ZNF75A: variants seen among roughly 807,000 people sequenced by gnomAD.
The protein encoded by ZNF75A is zinc finger protein 75A.
ZNF75A carries 36 observed loss-of-function variants against 46.3 expected under a neutral mutation model. That is an observed-to-expected ratio of 0.78 (90% CI 0.60 to 1.03). The LOEUF (loss-of-function observed/expected upper bound fraction) is 1.03, where lower values mean the gene tolerates loss of function less well. Among genes scored for constraint, ZNF75A ranks in the 50% least tolerant of loss-of-function variants. ZNF75A has a pLI of 0.00. For missense variants in ZNF75A, 595 were observed against 551.3 expected, an observed-to-expected ratio of 1.08 and a Z score of -0.79; for synonymous variants, 234 against 189.9, an observed-to-expected ratio of 1.23 and a Z score of -1.91.
chr16:3,308,680 A>G lies in ZNF75A; in HGVS notation c.252A>G (p.Lys84=), dbSNP rs1470650713. 3.0e-5 allele frequency: 30 copies of G among 991,786 alleles called. 1 individual carries two copies. The highest frequency in any genetic ancestry group is 3.6e-5 in the Non-Finnish European group (30 of 832,656). 61.4% of individuals were successfully genotyped at this position (991,786 alleles called of 1,614,324 possible). ...GGCTGAAGCCAGAGATCCACTCAAA[A>G]GAGCAGATACTGGAACTGCTGGTGC... ...HLWLKPEIHS[K]EQILELLVLE... Residue 84 remains lysine (K), a synonymous_variant, in exon 2 of 7, where the codon AAA becomes AAG. Transcript: ENST00000669516.
intron 5 of ZNF75A, chr16:3,314,641 G>A (rs552973642): frequency 1.3e-5 from 13 of 984,016 alleles, no homozygotes; most frequent in Admixed American, 6.2e-5. Flanking sequence ...TTCTTAAATC[G>A]TATTCTGTTA....
At chr16:3,319,346 C>T (rs188041209), downstream of ZNF75A, among the ~76,000 whole-genome samples, 545 of 152,260 alleles carry the variant, frequency 3.6e-3, 3 homozygotes, top group Non-Finnish European at 4.9e-3. Context: ...AACTCCTGAC[C>T]TCAAGTGATC....
chr16:3,318,146 A>C lies in ZNF75A; in HGVS notation c.*277A>C. The C allele has an allele frequency of 8.6e-7, 1 of 1,169,398 alleles. No individual in the cohort carries two copies. Among genetic ancestry groups the C allele is most frequent in the Non-Finnish European group, 1.1e-6 (1 of 947,634 alleles). The allele number at this position is 1,169,398 out of a possible 1,614,324, so 72.4% of individuals were successfully genotyped here. Reference sequence around the variant, plus strand: ...TGGCAGCATGGTCTTCCAAAACAAAAAGCAGTAACATGCATGTTTAATTGC... The same window carrying C: ...TGGCAGCATGGTCTTCCAAAACAAACAGCAGTAACATGCATGTTTAATTGC... On this transcript the variant is annotated 3_prime_UTR_variant, in exon 7 of 7. Coordinates refer to ENST00000669516, the MANE Select transcript of ZNF75A (RefSeq NM_001302109.2).
Position 3,312,764 on chromosome 16 carries a change from C to T in ZNF75A, c.692C>T (p.Ser231Phe). The part of the protein sequence containing the change: ...TVTPEHVLPE[S>F]QSLLTFEEVA... ...ACACCTGAGCACGTCTTGCCTGAGT[C>T]CCAGGTGAGCTGTGCTTTCCAGCTG... Residue 231 changes from serine (S) to phenylalanine (F), a missense_variant, in exon 4 of 7, where the codon TCC becomes TTC. Transcript: ENST00000669516. 9.1e-7 allele frequency: 1 copy of T among 1,096,958 alleles called. No homozygotes were observed. The highest frequency in any genetic ancestry group is 3.5e-5 in the South Asian group (1 of 28,940). The allele number at this position is 1,096,958 out of a possible 1,614,324, so 68.0% of individuals were successfully genotyped here.
Position 3,308,378 on chromosome 16 carries a change from C to T in ZNF75A, c.-51C>T, listed in dbSNP as rs962302777. The T allele has an allele frequency of 2.0e-6, 2 of 975,804 alleles. No individual in the cohort carries two copies. The highest frequency in any genetic ancestry group is 3.5e-5 in the African/African-American group (2 of 56,978). 60.4% of individuals were successfully genotyped at this position (975,804 alleles called of 1,614,324 possible). A position where few individuals can be genotyped will look rare whatever the true frequency, so the allele number is the denominator to read the frequency against. Reference sequence around the variant, plus strand: ...ACCAGACAGGATCTCATTTGTTAAACGTGGTACCAATTGGGTGTCTTAACA... The same window carrying T: ...ACCAGACAGGATCTCATTTGTTAAATGTGGTACCAATTGGGTGTCTTAACA... On this transcript the variant is annotated 5_prime_UTR_variant, in exon 2 of 7. The change creates a new upstream start codon in the 5' untranslated region. Transcript: ENST00000669516.
downstream of ZNF75A, chr16:3,323,257 A>C: frequency 1.3e-6 from 1 of 794,390 alleles, no homozygotes; most frequent in Non-Finnish European, 2.2e-6. Context: ...TCCTTGAGGA[A>C]GCCCACTGTA....
At chr16:3,320,993 C>T (rs2029919136), downstream of ZNF75A, among the ~76,000 whole-genome samples, 1 of 152,100 alleles carries the variant, frequency 6.6e-6, no homozygotes, top group South Asian at 2.1e-4. Flanking sequence ...TTAGCCAGTA[C>T]CCAGCTGCTG....
At chr16:3,311,267 GTC>G (rs1960763990) in intron 2 of ZNF75A, among the ~76,000 whole-genome samples, 1 of 151,864 alleles carries the variant, frequency 6.6e-6, no homozygotes, top group African/African-American at 2.4e-5. Flanking sequence ...AAGAAACCCC[GTC>G]TCTACTAAAA....
At chr16:3,323,343 G>A (rs538860302), downstream of ZNF75A, 31 of 1,107,702 alleles carry the variant, frequency 2.8e-5, no homozygotes, top group African/African-American at 3.9e-4. Context: ...ATGCTTCACT[G>A]GGAGGCAATT....
chr16:3,319,195 C>G (rs1026458931), downstream of ZNF75A, among the ~76,000 whole-genome samples: 1 of 152,112 alleles, frequency 6.6e-6, no homozygotes, highest in African/African-American at 2.4e-5. Flanking sequence ...CTCATTGCAT[C>G]CTCCACCTCC....
At position 3,312,716 on chromosome 16, in the gene ZNF75A, C is replaced by G; in HGVS notation, c.644C>G (p.Thr215Arg). 1 of 1,021,656 alleles carries G rather than the reference C, an allele frequency of 9.8e-7. No homozygotes were observed. The highest frequency in any genetic ancestry group is 1.2e-6 in the Non-Finnish European group (1 of 852,542). 63.3% of individuals were successfully genotyped at this position (1,021,656 alleles called of 1,614,324 possible). A position where few individuals can be genotyped will look rare whatever the true frequency, so the allele number is the denominator to read the frequency against. Residue 215 changes from threonine (T) to arginine (R), a missense_variant, in exon 4 of 7, where the codon ACA becomes AGA. By Grantham distance (71) the Thr-to-Arg change is moderately conservative (BLOSUM62 -1). Coordinates refer to ENST00000669516, the MANE Select transcript of ZNF75A (RefSeq NM_001302109.2). ...CAGATTCTAGCTTTTCCTGAGCAAA[C>G]AAACACCAAAGACTGGACAGTGACA... is the stretch of plus-strand genomic sequence containing the variant. ...TQQILAFPEQ[T>R]NTKDWTVTPE... is the part of the protein sequence containing the mutation.
At chr16:3,321,106 CAG>C (rs2029923144), downstream of ZNF75A, among the ~76,000 whole-genome samples, 1 of 152,152 alleles carries the variant, frequency 6.6e-6, no homozygotes, top group African/African-American at 2.4e-5. Context: ...AAAATGATAT[CAG>C]ATGATATGAG....
chr16:3,309,873 G>A (rs191556659), intron 2 of ZNF75A, among the ~76,000 whole-genome samples: 82 of 151,606 alleles, frequency 5.4e-4, no homozygotes, highest in South Asian at 3.6e-3. Context: ...TTAGGGGGTC[G>A]CGGTGGGAGG....
In ZNF75A at chr16:3,311,957, C is replaced by T; in HGVS notation, c.604+9C>T. 7 of 985,150 alleles carry T rather than the reference C, an allele frequency of 7.1e-6. No individual in the cohort carries two copies. The highest frequency in any genetic ancestry group is 8.4e-6 in the Non-Finnish European group (7 of 829,186). The allele number at this position is 985,150 out of a possible 1,614,324, so 61.0% of individuals were successfully genotyped here. A position where few individuals can be genotyped will look rare whatever the true frequency, so the allele number is the denominator to read the frequency against. On this transcript the variant is annotated intron_variant, in intron 3 of 6. Coordinates refer to ENST00000669516, the MANE Select transcript of ZNF75A (RefSeq NM_001302109.2). The stretch of plus-strand genomic sequence containing the variant: ...GCCTGTGTATGAGAGGGGTAAGGAG[C>T]TTCATGATAATTTTCTTCTCCTGGG...
At chr16:3,320,246 T>A (rs1412778310), downstream of ZNF75A, among the ~76,000 whole-genome samples, 2 of 152,062 alleles carry the variant, frequency 1.3e-5, no homozygotes, top group Admixed American at 6.6e-5. Context: ...GGGTTTCACC[T>A]TGTTAGCCAG....
chr16:3,323,175 G>A (rs2030008599), downstream of ZNF75A: 1 of 621,144 alleles, frequency 1.6e-6, no homozygotes, highest in Non-Finnish European at 2.8e-6. Context: ...ACTGCAGTTT[G>A]GCACCTGGGT....
downstream of ZNF75A, among the ~76,000 whole-genome samples, chr16:3,320,204 C>T (rs538490311): frequency 6.6e-6 from 1 of 152,280 alleles, no homozygotes; most frequent in East Asian, 1.9e-4. Context: ...CGCCACCACG[C>T]CTGGCTAATT....
At position 3,310,949 on chromosome 16, in the gene ZNF75A, A is replaced by G. The variant is rs902218978; in HGVS notation, c.409-804A>G. 42 of 985,354 alleles carry G rather than the reference A, an allele frequency of 4.3e-5. No individual in the cohort carries two copies. In the African/African-American group the frequency reaches 6.8e-4, roughly 16 times the overall value. 61.0% of individuals were successfully genotyped at this position (985,354 alleles called of 1,614,324 possible). ...TTTGGTGTCAGAATCATCTGGAGGT[A>G]GGTTGGAGCCACTCCCCTTTTTTCT... On this transcript the variant is annotated intron_variant, in intron 2 of 6. Coordinates refer to ENST00000669516, the MANE Select transcript of ZNF75A (RefSeq NM_001302109.2).
At chr16:3,312,908 T>G in intron 4 of ZNF75A, 140 bp downstream of exon 4, 1 of 1,277,744 alleles carries the variant, frequency 7.8e-7, no homozygotes, top group Non-Finnish European at 1.0e-6. Flanking sequence ...GGCTGACGCC[T>G]TTTCTCCTTT....
Sources: allele counts gnomAD v4.1 joint callset (sites outside exome capture counted in the v4.1 genomes callset), GRCh38; gene constraint gnomAD v4.1.1; transcripts MANE v1.5; gene names NCBI Gene and HGNC (gene_info 2026-07-23, HGNC 2026-07-21).